DIPK1A: variants seen among roughly 807,000 people sequenced by gnomAD.
DIPK1A encodes the protein divergent protein kinase domain 1A, also known as family with sequence similarity 69 member A.
Under a neutral mutation model 40.8 loss-of-function variants are expected in DIPK1A, and 27 were observed. The observed-to-expected ratio is 0.66, with a 90% CI of 0.49 to 0.91. The LOEUF is 0.91. Among genes scored for constraint, DIPK1A ranks in the 40% least tolerant of loss-of-function variants. The pLI, the probability that DIPK1A is intolerant of heterozygous loss-of-function variation, is 0.00. For synonymous variants in DIPK1A, 166 were observed against 171.3 expected (o/e 0.97, Z 0.24); for missense variants, 412 against 505.7 (o/e 0.81, Z 1.78).
chr1:92,891,795 G>A (rs1051133791), intron 1 of DIPK1A, among the ~76,000 whole-genome samples: 12 of 152,164 alleles, frequency 7.9e-5, no homozygotes, highest in South Asian at 4.1e-4. Flanking sequence ...CTGGAAAATC[G>A]GGTCACTTTA....
chr1:92,890,136 A>G (rs1571094959), intron 1 of DIPK1A, among the ~76,000 whole-genome samples: 1 of 152,256 alleles, frequency 6.6e-6, no homozygotes, highest in East Asian at 1.9e-4. Flanking sequence ...TGATATATAG[A>G]AATACTACTG....
chr1:92,890,521 A>G (rs1648815283), intron 1 of DIPK1A, among the ~76,000 whole-genome samples: 1 of 152,202 alleles, frequency 6.6e-6, no homozygotes, highest in South Asian at 2.1e-4. Context: ...AATTTTCATC[A>G]TGAAAAGGTG....
chr1:92,834,248 G>A (rs550174514), intron 4 of DIPK1A, among the ~76,000 whole-genome samples: 42 of 152,272 alleles, frequency 2.8e-4, no homozygotes, highest in African/African-American at 9.6e-4. Context: ...ATTAAACAGG[G>A]CTTTAAGATT....
At chr1:92,888,827 C>A in intron 1 of DIPK1A, among the ~76,000 whole-genome samples, 1 of 152,048 alleles carries the variant, frequency 6.6e-6, no homozygotes, top group Non-Finnish European at 1.5e-5. Context: ...AAAGATGTGT[C>A]CATTCAGCTC....
At chr1:92,894,424 A>C (rs1649065180) in intron 1 of DIPK1A, among the ~76,000 whole-genome samples, 2 of 152,122 alleles carry the variant, frequency 1.3e-5, no homozygotes, top group Admixed American at 6.6e-5. Context: ...AATGAAATGA[A>C]GGCAGAAATA....
intron 1 of DIPK1A, among the ~76,000 whole-genome samples, chr1:92,937,412 T>A (rs2100884065): frequency 1.3e-5 from 2 of 152,346 alleles, no homozygotes; most frequent in Middle Eastern, 3.4e-3. Context: ...CATGATATAC[T>A]TCTATCTAAC....
intron 1 of DIPK1A, among the ~76,000 whole-genome samples, chr1:92,907,954 C>T (rs997309639): frequency 6.6e-6 from 1 of 152,116 alleles, no homozygotes; most frequent in Non-Finnish European, 1.5e-5. Context: ...GCAAACTCTG[C>T]CTCCCAGGTT....
intron 2 of DIPK1A, among the ~76,000 whole-genome samples, chr1:92,852,390 C>T (rs1228567703): frequency 1.3e-5 from 2 of 151,996 alleles, no homozygotes; most frequent in East Asian, 1.9e-4. Flanking sequence ...CTCAAGTATT[C>T]AGGAGGCTGC....
Position 92,843,467 on chromosome 1 carries a change from A to T in DIPK1A, c.1203T>A (p.Asn401Lys). 6.4e-7 allele frequency: 1 copy of T among 1,551,496 alleles called. No individual in the cohort carries two copies. The highest frequency in any genetic ancestry group is 8.7e-7 in the Non-Finnish European group (1 of 1,146,894). The change falls in exon 5 of 5, where the codon AAT becomes AAA. Residue 401 changes from asparagine (N) to lysine (K), a missense_variant. Transcript: ENST00000370310. The part of the protein sequence containing the change: ...YSCIALKVTA[N>K]QMEMEHSLIL... ...TCAAAGAATGTTCCATTTCCATTTG[A>T]TTTGCTGTGACTTTGAGAGCAATAC...
intron 1 of DIPK1A, among the ~76,000 whole-genome samples, chr1:92,894,094 T>C (rs921757433): frequency 2.6e-5 from 4 of 151,998 alleles, no homozygotes; most frequent in African/African-American, 9.7e-5. Context: ...GACAGATCAA[T>C]GAGACAGAAA....
chr1:92,941,303 A>G (rs892253137), intron 1 of DIPK1A, among the ~76,000 whole-genome samples: 1 of 152,210 alleles, frequency 6.6e-6, no homozygotes, highest in African/African-American at 2.4e-5. Context: ...ATGAAAAGAT[A>G]AAAATGGAAG....
At chr1:92,959,623 T>C (rs2100928984) in intron 1 of DIPK1A, among the ~76,000 whole-genome samples, 1 of 151,494 alleles carries the variant, frequency 6.6e-6, no homozygotes, top group East Asian at 2.0e-4. Flanking sequence ...GGCTAATATT[T>C]TGTATTTTTA....
chr1:92,833,682 C>T, intron 4 of DIPK1A: 1 of 1,579,370 alleles, frequency 6.3e-7, no homozygotes, highest in African/African-American at 1.3e-5. Context: ...TCTAGACAGT[C>T]CCCTTTTTTT....
intron 1 of DIPK1A, among the ~76,000 whole-genome samples, chr1:92,898,579 A>G (rs1225165043): frequency 6.6e-6 from 1 of 152,140 alleles, no homozygotes; most frequent in South Asian, 2.1e-4. Flanking sequence ...GGCTCAAGGG[A>G]TTCTCTGATC....
chr1:92,958,751 T>C (rs1651943160), intron 1 of DIPK1A, among the ~76,000 whole-genome samples: 1 of 152,254 alleles, frequency 6.6e-6, no homozygotes, highest in South Asian at 2.1e-4. Flanking sequence ...GAGGGTTTTT[T>C]GTTTTGCTTT....
chr1:92,885,878 G>A (rs763423231), intron 1 of DIPK1A, among the ~76,000 whole-genome samples: 6 of 151,950 alleles, frequency 3.9e-5, no homozygotes, highest in Admixed American at 1.3e-4. Context: ...AAATGATACC[G>A]TTTGACATAT....
chr1:92,901,472 C>T (rs529884193), intron 1 of DIPK1A, among the ~76,000 whole-genome samples: 12 of 152,144 alleles, frequency 7.9e-5, no homozygotes, highest in East Asian at 3.9e-4. Context: ...CTTGGGCCCA[C>T]GGAGCTAGGC....
intron 1 of DIPK1A, among the ~76,000 whole-genome samples, chr1:92,900,213 C>T (rs1296645558): frequency 6.6e-6 from 1 of 152,116 alleles, no homozygotes; most frequent in African/African-American, 2.4e-5. Flanking sequence ...ACACCTTTTC[C>T]CTTCTTTTCT....
chr1:92,838,852 G>A (rs142364079), downstream of DIPK1A, among the ~76,000 whole-genome samples: 133 of 152,286 alleles, frequency 8.7e-4, no homozygotes, highest in African/African-American at 3.0e-3. Flanking sequence ...TTCAAAATGG[G>A]TATAGGTAGT....
Sources: allele counts gnomAD v4.1 joint callset (sites outside exome capture counted in the v4.1 genomes callset), GRCh38; gene constraint gnomAD v4.1.1; transcripts MANE v1.5; gene names NCBI Gene and HGNC (gene_info 2026-07-23, HGNC 2026-07-21).